Variants in KIF16B observed in about 807,000 individuals in gnomAD.
The protein encoded by KIF16B is kinesin-like protein KIF16B.
In KIF16B, 98 loss-of-function variants were observed where a neutral mutation model predicts 156.3. The ratio of observed to expected loss-of-function variants is 0.63; its 90% confidence interval spans 0.53 to 0.74. The LOEUF is 0.74. KIF16B is among the 30% of genes least tolerant of loss of function. The pLI is 0.00. For synonymous variants in KIF16B, 564 were observed against 583.7 expected (o/e 0.97, Z 0.49); for missense variants, 1,421 against 1,606.5 (o/e 0.88, Z 1.97).
chr20:16,305,919 A>T (rs2063534619), intron 25 of KIF16B, among the ~76,000 whole-genome samples: 1 of 152,094 alleles, frequency 6.6e-6, no homozygotes, highest in Non-Finnish European at 1.5e-5. Context: ...CCATTAATGG[A>T]TGCTTAGGTT....
chr20:16,346,532 G>A (rs2064238008), intron 23 of KIF16B, among the ~76,000 whole-genome samples: 1 of 152,162 alleles, frequency 6.6e-6, no homozygotes, highest in African/African-American at 2.4e-5. Flanking sequence ...TCACACTCGA[G>A]GCAGCTATGA....
chr20:16,476,358 C>T (rs535693648), intron 12 of KIF16B, among the ~76,000 whole-genome samples: 2 of 152,254 alleles, frequency 1.3e-5, no homozygotes, highest in East Asian at 3.9e-4. Flanking sequence ...TGAAAAGACA[C>T]ATTTGTTTTG....
At chr20:16,292,818 T>A (rs2063332037) in intron 25 of KIF16B, among the ~76,000 whole-genome samples, 1 of 152,146 alleles carries the variant, frequency 6.6e-6, no homozygotes. Flanking sequence ...ATAAATAAAA[T>A]TGACTATTTC....
chr20:16,298,902 A>G (rs1195198149), intron 25 of KIF16B, among the ~76,000 whole-genome samples: 1 of 122,240 alleles, frequency 8.2e-6, no homozygotes, highest in Non-Finnish European at 1.9e-5. Context: ...ATAAATGGTG[A>G]GTAATAAAAA....
At chr20:16,301,322 C>A (rs1488877279) in intron 25 of KIF16B, among the ~76,000 whole-genome samples, 1 of 152,164 alleles carries the variant, frequency 6.6e-6, no homozygotes, top group Non-Finnish European at 1.5e-5. Context: ...TTTGAGAGGG[C>A]ACGTTTCAAC....
chr20:16,529,634 A>G lies in KIF16B; in HGVS notation c.48-1194T>C, dbSNP rs548571451. Among the ~76,000 whole-genome samples, 204 of 152,320 alleles carry G rather than the reference A, an allele frequency of 1.3e-3. 1 individual carries two copies. The highest frequency in any genetic ancestry group is 4.8e-3 in the African/African-American group (199 of 41,576). The stretch of plus-strand genomic sequence containing the variant: ...TGAAGTGGCTGAATGAGATACAAAC[A>G]TAAGTTTGATGAGGTTAAGTAAAAA... On this transcript the variant is annotated intron_variant, in intron 1 of 25. Coordinates refer to ENST00000354981, the MANE Select transcript of KIF16B (RefSeq NM_024704.5).
At chr20:16,541,046 T>C (rs997910772) in intron 1 of KIF16B, among the ~76,000 whole-genome samples, 8 of 152,168 alleles carry the variant, frequency 5.3e-5, no homozygotes, top group South Asian at 2.1e-4. Flanking sequence ...CTCCATAAGT[T>C]TGTGTCACCT....
At chr20:16,282,323 G>A (rs575375837) in intron 25 of KIF16B, among the ~76,000 whole-genome samples, 3 of 152,146 alleles carry the variant, frequency 2.0e-5, no homozygotes, top group African/African-American at 7.2e-5. Context: ...ATGAGCCATC[G>A]CGCCTGACGG....
At position 16,273,368 on chromosome 20, in the gene KIF16B, G is replaced by A; in HGVS notation, c.3839C>T (p.Thr1280Ile). Reference protein sequence around the residue: ...DFFSVMLQSATSPLHINKVGL... With the variant: ...DFFSVMLQSAISPLHINKVGL... The stretch of plus-strand genomic sequence containing the variant: ...CACTTTGTTGATGTGGAGGGGAGAT[G>A]TTGCGGACTGGAGCATCACGCTGAA... The change falls in exon 26 of 26, where the codon ACA becomes ATA. Residue 1280 changes from threonine to isoleucine, a missense_variant. Physicochemically the swap from Thr to Ile is moderately conservative, Grantham distance 89. Transcript: ENST00000354981. The A allele has an allele frequency of 5.6e-6, 9 of 1,613,990 alleles. No homozygotes were observed. The highest frequency in any genetic ancestry group is 1.7e-5 in the Admixed American group (1 of 60,026).
chr20:16,368,719 T>C (rs2064741692), intron 22 of KIF16B: 1 of 985,920 alleles, frequency 1.0e-6, no homozygotes, highest in African/African-American at 1.7e-5. Flanking sequence ...CAGTACGCTC[T>C]GCGGGGCACT....
rs749011870 is a variant in KIF16B at position 16,371,672 on chromosome 20, G to A, written c.3440C>T (p.Thr1147Met). Residue 1147 changes from threonine to methionine, a missense_variant, in exon 21 of 26, where the codon ACG becomes ATG. Transcript: ENST00000354981. ...ISEGCSTSAD[T>M]MKDNEKLHNG... ...TTGGCTCCTTCAGCTTACCTTCATCGTGTCTGCAGATGTACTGCAGCCTTC... is the reference window on the plus strand; with the variant it reads ...TTGGCTCCTTCAGCTTACCTTCATCATGTCTGCAGATGTACTGCAGCCTTC... 10 of 1,605,340 alleles carry A rather than the reference G, an allele frequency of 6.2e-6. No homozygotes were observed. Among genetic ancestry groups the A allele is most frequent in the South Asian group, 3.3e-5 (3 of 90,762 alleles).
At chr20:16,572,696 T>A (rs1386858964) in intron 1 of KIF16B, among the ~76,000 whole-genome samples, 1 of 152,268 alleles carries the variant, frequency 6.6e-6, no homozygotes, top group Admixed American at 6.5e-5. Context: ...CTGACTTTTT[T>A]CTAGGAGTCA....
chr20:16,442,071 C>A (rs114928032), intron 12 of KIF16B, among the ~76,000 whole-genome samples: 205 of 152,216 alleles, frequency 1.3e-3, no homozygotes, highest in African/African-American at 4.7e-3. Context: ...AAAGTGAACT[C>A]AGACAAATTG....
At chr20:16,372,561 G>C (rs2064847412) in intron 20 of KIF16B, among the ~76,000 whole-genome samples, 1 of 152,212 alleles carries the variant, frequency 6.6e-6, no homozygotes, top group Non-Finnish European at 1.5e-5. Flanking sequence ...ATGTTTTTAG[G>C]TCATTCCACC....
chr20:16,481,512 A>C (rs1427376469), intron 12 of KIF16B, among the ~76,000 whole-genome samples: 1 of 152,202 alleles, frequency 6.6e-6, no homozygotes, highest in African/African-American at 2.4e-5. Flanking sequence ...TCTGAGGTGG[A>C]GAATAACTGC....
Position 16,375,683 on chromosome 20 carries a change from G to A in KIF16B, c.3198-1274C>T, listed in dbSNP as rs182974370. Among the ~76,000 whole-genome samples the A allele has an allele frequency of 1.7e-3, 235 of 135,346 alleles. 1 individual carries two copies. In the South Asian group the frequency reaches 0.02, roughly 11 times the overall value. 88.8% of individuals were successfully genotyped at this position (135,346 alleles called of 152,430 possible). ...CAATATTAATAGGGTATCATCAATG[G>A]CCAAAAAAAAAAAAAAATGAGCTGG... On this transcript the variant is annotated intron_variant, in intron 19 of 25. Coordinates refer to ENST00000354981, the MANE Select transcript of KIF16B (RefSeq NM_024704.5).
intron 22 of KIF16B, chr20:16,367,782 G>A (rs768021398): frequency 1.1e-5 from 18 of 1,612,464 alleles, no homozygotes; most frequent in African/African-American, 2.7e-5. Context: ...CGCAGGCAGC[G>A]GCATCAGGCT....
chr20:16,417,332 C>G (rs967560461), intron 15 of KIF16B, among the ~76,000 whole-genome samples: 24 of 152,144 alleles, frequency 1.6e-4, no homozygotes, highest in African/African-American at 5.8e-4. Context: ...CCCACTGCTA[C>G]TGGAGGAGCA....
At position 16,336,002 on chromosome 20, in the gene KIF16B, T is replaced by C. The variant is rs1213442516; in HGVS notation, c.3635A>G (p.Asp1212Gly). ...ACGCCTGAATACAGTCCATGTCTCA[T>C]CTAGGACAGTAATCTATTAACCAGG... The part of the protein sequence containing the change: ...FEFEVKITVL[D>G]ETWTVFRRYS... Residue 1212 changes from aspartate (D) to glycine (G), a missense_variant, in exon 24 of 26, where the codon GAT becomes GGT. Asp to Gly is a moderately conservative substitution (Grantham distance 94). Coordinates refer to ENST00000354981, the MANE Select transcript of KIF16B (RefSeq NM_024704.5). The C allele has an allele frequency of 1.4e-5, 22 of 1,600,278 alleles. No individual in the cohort carries two copies. Among genetic ancestry groups the C allele is most frequent in the Non-Finnish European group, 1.9e-5 (22 of 1,171,880 alleles).
Sources: gnomAD v4.1 joint callset for allele counts (sites outside exome capture counted in the v4.1 genomes callset) on GRCh38, gnomAD v4.1.1 for gene constraint, MANE v1.5 for transcripts, NCBI Gene and HGNC (gene_info 2026-07-23, HGNC 2026-07-21) for gene names.